Variants in GPBP1L1 observed in about 807,000 individuals in gnomAD.
GPBP1L1 encodes GC-rich promoter binding protein 1 like 1.
A neutral mutation model predicts 52.5 loss-of-function variants in GPBP1L1; 23 were observed. The ratio of observed to expected loss-of-function variants is 0.44; its 90% confidence interval spans 0.32 to 0.62. GPBP1L1 has a LOEUF of 0.62. Among genes scored for constraint, GPBP1L1 ranks in the 20% least tolerant of loss-of-function variants. The pLI, the probability that GPBP1L1 is intolerant of heterozygous loss-of-function variation, is 0.06. For synonymous variants in GPBP1L1, 243 were observed against 203.1 expected (o/e 1.20, Z -1.67); for missense variants, 596 against 579.3 (o/e 1.03, Z -0.30).
intron 2 of GPBP1L1, among the ~76,000 whole-genome samples, chr1:45,661,863 G>C (rs530539341): frequency 1.3e-5 from 2 of 152,108 alleles, no homozygotes; most frequent in Non-Finnish European, 2.9e-5. Context: ...AGGTCTTTCA[G>C]ATATAGATTT....
chr1:45,634,047 C>T lies in GPBP1L1; in HGVS notation c.885+49G>A, dbSNP rs201844499. ...ATATTACACTTGTTATCTAAGTGAA[C>T]GGGAAATGGCAATTTCAGAAAAGAC... On this transcript the variant is annotated intron_variant, in intron 9 of 12. Coordinates refer to ENST00000355105, the MANE Select transcript of GPBP1L1 (RefSeq NM_021639.5). 519 of 1,539,830 alleles carry T rather than the reference C, an allele frequency of 3.4e-4. 4 individuals are homozygous for T. The highest frequency in any genetic ancestry group is 2.7e-3 in the South Asian group (220 of 81,152).
At position 45,659,372 on chromosome 1, in the gene GPBP1L1, A is replaced by AT. The variant is rs538229510; in HGVS notation, c.-55-231dup. On this transcript the variant is annotated intron_variant, in intron 3 of 12. Coordinates refer to ENST00000355105, the MANE Select transcript of GPBP1L1 (RefSeq NM_021639.5). ...ACTGTAACATGAGCCTGGAAGATTT[A>AT]TTTTTTGGAGAGGAAGGGTCTTGCT... 2.0e-3 allele frequency among the ~76,000 whole-genome samples: 298 copies of AT among 152,300 alleles called. 2 individuals carry two copies. Among genetic ancestry groups the AT allele is most frequent in the African/African-American group, 6.5e-3 (271 of 41,562 alleles).
intron 2 of GPBP1L1, among the ~76,000 whole-genome samples, chr1:45,667,021 AC>A (rs1162783171): frequency 1.3e-5 from 2 of 152,218 alleles, no homozygotes; most frequent in Non-Finnish European, 2.9e-5. Context: ...ATCAGTGATT[AC>A]CAGGGACTGG....
chr1:45,634,183 A>T lies in GPBP1L1; in HGVS notation c.798T>A (p.Ser266=), dbSNP rs760993343. 22 of 1,613,724 alleles carry T rather than the reference A, an allele frequency of 1.4e-5. No individual in the cohort carries two copies. Among genetic ancestry groups the T allele is most frequent in the Non-Finnish European group, 1.9e-5 (22 of 1,179,772 alleles). ...GACTGGTAAAAGCAGACTCCCGGCT[A>T]GAGGAAAGGGATCCTGACTTGTGCT... ...RMEHKSGSLS[S]SRESAFTSPI... is the part of the protein sequence containing the mutation. The change falls in exon 9 of 13, where the codon TCT becomes TCA. Residue 266 remains serine, a synonymous_variant. Coordinates refer to ENST00000355105, the MANE Select transcript of GPBP1L1 (RefSeq NM_021639.5).
intron 2 of GPBP1L1, among the ~76,000 whole-genome samples, chr1:45,683,168 A>C (rs1436218772): frequency 6.7e-6 from 1 of 149,664 alleles, no homozygotes; most frequent in African/African-American, 2.5e-5. Context: ...CAAGTTAAAC[A>C]CAACAACTTA....
At chr1:45,644,599 T>C (rs770980895) in intron 6 of GPBP1L1, among the ~76,000 whole-genome samples, 6 of 152,148 alleles carry the variant, frequency 3.9e-5, no homozygotes, top group Non-Finnish European at 4.4e-5. Context: ...CTTGACACTA[T>C]AGTTTTGTCT....
rs1437629369 is a variant in GPBP1L1 at position 45,647,218 on chromosome 1, C to T, written c.478-4719G>A. Among the ~76,000 whole-genome samples the T allele has an allele frequency of 6.9e-5, 10 of 145,808 alleles. No homozygotes were observed. In the East Asian group the frequency reaches 1.2e-3, roughly 18 times the overall value. On this transcript the variant is annotated intron_variant, in intron 6 of 12. Transcript: ENST00000355105. ...AGTTTCATACTCTTGTTGCCCAGGCCGGAGTGCAATGGTGCGATCTTGGCT... is the reference window on the plus strand; with the variant it reads ...AGTTTCATACTCTTGTTGCCCAGGCTGGAGTGCAATGGTGCGATCTTGGCT...
chr1:45,664,990 T>TA (rs1024502216), intron 2 of GPBP1L1, among the ~76,000 whole-genome samples: 2 of 150,946 alleles, frequency 1.3e-5, no homozygotes, highest in African/African-American at 4.9e-5. Context: ...ATAGAACTGT[T>TA]AAAAAAGATG....
intron 12 of GPBP1L1, 115 bp downstream of exon 12, chr1:45,629,461 C>CCG: frequency 7.5e-6 from 1 of 132,792 alleles, no homozygotes; most frequent in African/African-American, 3.0e-5. Flanking sequence ...TAATCCCCCC[C>CCG]CCCCCCACCC....
intron 2 of GPBP1L1, among the ~76,000 whole-genome samples, chr1:45,664,213 G>A (rs774904201): frequency 2.4e-4 from 36 of 151,850 alleles, no homozygotes; most frequent in East Asian, 3.9e-4. Context: ...CCAGCTACTC[G>A]GGAGGCTGAG....
At chr1:45,636,706 G>C (rs968489874) in intron 8 of GPBP1L1, among the ~76,000 whole-genome samples, 2 of 152,124 alleles carry the variant, frequency 1.3e-5, no homozygotes, top group African/African-American at 4.8e-5. Flanking sequence ...CCAAGTACTT[G>C]CTCCAATTTA....
chr1:45,652,697 T>C (rs1156637845), intron 6 of GPBP1L1, among the ~76,000 whole-genome samples: 1 of 151,566 alleles, frequency 6.6e-6, no homozygotes, highest in Admixed American at 6.6e-5. Context: ...TGTTTTTTAA[T>C]AAGAATATAC....
chr1:45,643,074 G>A lies in GPBP1L1; in HGVS notation c.478-575C>T, dbSNP rs558112130. Among the ~76,000 whole-genome samples, 19 of 152,278 alleles carry A rather than the reference G, an allele frequency of 1.2e-4. No homozygotes were observed. In the South Asian group the frequency reaches 3.5e-3, roughly 28 times the overall value. ...GATGAAAAAAATTCATATTAGGGAA[G>A]AAGGAGTACTCAGTAAGAAACATCA... On this transcript the variant is annotated intron_variant, in intron 6 of 12. Coordinates refer to ENST00000355105, the MANE Select transcript of GPBP1L1 (RefSeq NM_021639.5).
chr1:45,628,966 G>A (rs1048157181), intron 12 of GPBP1L1, among the ~76,000 whole-genome samples: 2 of 152,290 alleles, frequency 1.3e-5, no homozygotes, highest in South Asian at 2.1e-4. Flanking sequence ...CCAGCCATAA[G>A]TCCTTATTTC....
chr1:45,631,759 C>T (rs1411920812), intron 10 of GPBP1L1, among the ~76,000 whole-genome samples: 1 of 152,020 alleles, frequency 6.6e-6, no homozygotes, highest in Non-Finnish European at 1.5e-5. Flanking sequence ...TATCTCTGTA[C>T]CAAACAAAAT....
chr1:45,685,395 A>C (rs1192215679), intron 2 of GPBP1L1, among the ~76,000 whole-genome samples, 181 bp downstream of exon 2: 2 of 152,244 alleles, frequency 1.3e-5, no homozygotes, highest in Non-Finnish European at 2.9e-5. Context: ...GTAAGCAATA[A>C]ATGTCAATGT....
chr1:45,646,206 C>A (rs914555087), intron 6 of GPBP1L1: 4 of 277,354 alleles, frequency 1.4e-5, no homozygotes, highest in Non-Finnish European at 2.8e-5. Flanking sequence ...ATTGTGGCAG[C>A]GCGAAACAAT....
intron 8 of GPBP1L1, among the ~76,000 whole-genome samples, chr1:45,637,314 T>C (rs1215603314): frequency 1.3e-5 from 2 of 152,190 alleles, no homozygotes; most frequent in African/African-American, 2.4e-5. Flanking sequence ...TCTTCCTCCC[T>C]CTAACATCTC....
intron 2 of GPBP1L1, among the ~76,000 whole-genome samples, chr1:45,670,578 A>G (rs1341865401): frequency 1.3e-5 from 2 of 152,080 alleles, no homozygotes; most frequent in Non-Finnish European, 2.9e-5. Flanking sequence ...TCACATTTAC[A>G]ATCAGTTGGA....
Sources: allele counts gnomAD v4.1 joint callset (sites outside exome capture counted in the v4.1 genomes callset), GRCh38; gene constraint gnomAD v4.1.1; transcripts MANE v1.5; gene names NCBI Gene and HGNC (gene_info 2026-07-23, HGNC 2026-07-21).